The following SPTSSA variants were observed in gnomAD, a reference collection of about 807,000 sequenced individuals.
SPTSSA encodes the protein serine palmitoyltransferase small subunit A, also known as small subunit of serine palmitoyltransferase A.
Under a neutral mutation model 9.1 loss-of-function variants are expected in SPTSSA, and 8 were observed. The observed-to-expected ratio is 0.88, with a 90% CI of 0.51 to 1.58. The LOEUF (loss-of-function observed/expected upper bound fraction) is 1.58, where lower values mean the gene tolerates loss of function less well. Among genes scored for constraint, SPTSSA ranks in the 40% most tolerant of loss-of-function variants. The pLI is 0.00. For synonymous variants in SPTSSA, 42 were observed against 37.7 expected (o/e 1.11, Z -0.41); for missense variants, 100 against 93.8 (o/e 1.07, Z -0.27).
intron 1 of SPTSSA, among the ~76,000 whole-genome samples, chr14:34,435,730 A>G (rs1444934130): frequency 6.7e-6 from 1 of 149,074 alleles, no homozygotes; most frequent in African/African-American, 2.5e-5. Flanking sequence ...TCTGGGTTCA[A>G]GTGATTCTCC....
intron 1 of SPTSSA, among the ~76,000 whole-genome samples, chr14:34,435,620 TCTC>T (rs1214882025): frequency 7.5e-6 from 1 of 132,640 alleles, no homozygotes; most frequent in African/African-American, 3.2e-5. Flanking sequence ...TTTGTTTGTT[TCTC>T]TTTTTTTTTT....
At chr14:34,448,944 G>A (rs528518948) in intron 1 of SPTSSA, among the ~76,000 whole-genome samples, 1 of 150,958 alleles carries the variant, frequency 6.6e-6, no homozygotes, top group African/African-American at 2.4e-5. Flanking sequence ...AGGCTACAGT[G>A]AGCTGAGATC....
At chr14:34,445,331 T>C (rs1483640564) in intron 1 of SPTSSA, among the ~76,000 whole-genome samples, 1 of 151,964 alleles carries the variant, frequency 6.6e-6, no homozygotes, top group East Asian at 1.9e-4. Flanking sequence ...GGCCAAACCC[T>C]GTCTATGAAA....
At chr14:34,457,700 G>C (rs1878511942) in intron 1 of SPTSSA, among the ~76,000 whole-genome samples, 1 of 152,104 alleles carries the variant, frequency 6.6e-6, no homozygotes, top group African/African-American at 2.4e-5. Context: ...AGGCATCTTG[G>C]CTCATGCTTA....
intron 1 of SPTSSA, among the ~76,000 whole-genome samples, chr14:34,435,760 G>A (rs1411185546): frequency 1.3e-5 from 2 of 150,896 alleles, no homozygotes; most frequent in East Asian, 3.9e-4. Flanking sequence ...CTCCTGAGTA[G>A]CTGGGATTAC....
chr14:34,445,984 T>C (rs1451195028), intron 1 of SPTSSA, among the ~76,000 whole-genome samples: 1 of 152,242 alleles, frequency 6.6e-6, no homozygotes, highest in Non-Finnish European at 1.5e-5. Flanking sequence ...TGGTGGGCCA[T>C]TTAAATATTT....
chr14:34,452,946 A>C (rs936597961), intron 1 of SPTSSA, among the ~76,000 whole-genome samples: 1 of 152,196 alleles, frequency 6.6e-6, no homozygotes, highest in African/African-American at 2.4e-5. Flanking sequence ...TGAACTGTGC[A>C]GGTCTACTTA....
chr14:34,452,360 A>G (rs543748567), intron 1 of SPTSSA, among the ~76,000 whole-genome samples: 2 of 152,150 alleles, frequency 1.3e-5, no homozygotes, highest in East Asian at 3.9e-4. Context: ...CTGTCACAAT[A>G]TTATACTGTC....
intron 1 of SPTSSA, among the ~76,000 whole-genome samples, chr14:34,451,610 C>T (rs536208306): frequency 1.3e-5 from 2 of 151,482 alleles, no homozygotes; most frequent in Middle Eastern, 3.4e-3. Context: ...GTAGTCCCAG[C>T]TACTCCGGAG....
intron 1 of SPTSSA, 75 bp downstream of exon 1, chr14:34,462,021 C>A: frequency 9.1e-7 from 1 of 1,098,134 alleles, no homozygotes; most frequent in Non-Finnish European, 1.1e-6. Flanking sequence ...ACCCCAGGCC[C>A]GGGGCCTGGG....
intron 1 of SPTSSA, among the ~76,000 whole-genome samples, chr14:34,454,615 C>A (rs562726855): frequency 6.6e-5 from 10 of 152,152 alleles, no homozygotes; most frequent in Admixed American, 1.3e-4. Flanking sequence ...CTGGAGTTAA[C>A]AAGACAACTT....
chr14:34,442,224 G>T (rs965581218), intron 1 of SPTSSA, among the ~76,000 whole-genome samples: 2 of 152,042 alleles, frequency 1.3e-5, no homozygotes, highest in Non-Finnish European at 2.9e-5. Flanking sequence ...TTCCGCACAC[G>T]GTCCCTGATC....
intron 1 of SPTSSA, 103 bp downstream of exon 1, chr14:34,461,993 G>T: frequency 1.2e-6 from 1 of 838,396 alleles, no homozygotes; most frequent in Non-Finnish European, 1.5e-6. Flanking sequence ...GACCGGCGGG[G>T]CCGCCGCTCC....
chr14:34,459,308 A>T (rs1273570033), intron 1 of SPTSSA, among the ~76,000 whole-genome samples: 2 of 150,218 alleles, frequency 1.3e-5, no homozygotes, highest in African/African-American at 4.9e-5. Flanking sequence ...AAAATACAAA[A>T]ATTAGCTGGG....
At chr14:34,435,623 C>CTTTTTTTTTTTTTTTT (rs769896697) in intron 1 of SPTSSA, among the ~76,000 whole-genome samples, 6 of 92,444 alleles carry the variant, frequency 6.5e-5, no homozygotes, top group African/African-American at 2.8e-4. Flanking sequence ...GTTTGTTTCT[C>CTTTTTTTTTTTTTTTT]TTTTTTTTTT....
chr14:34,436,027 A>G (rs1447963263), intron 1 of SPTSSA, among the ~76,000 whole-genome samples: 2 of 152,146 alleles, frequency 1.3e-5, no homozygotes, highest in Non-Finnish European at 2.9e-5. Context: ...AAGATCTACC[A>G]ACTTAACTAA....
intron 1 of SPTSSA, among the ~76,000 whole-genome samples, chr14:34,447,055 C>T (rs1883433398): frequency 6.6e-6 from 1 of 151,758 alleles, no homozygotes; most frequent in African/African-American, 2.4e-5. Context: ...GAAACCGCGT[C>T]TCTACTAAAA....
intron 1 of SPTSSA, among the ~76,000 whole-genome samples, chr14:34,446,035 A>T (rs1021600907): frequency 2.0e-5 from 3 of 152,242 alleles, no homozygotes; most frequent in Non-Finnish European, 4.4e-5. Flanking sequence ...GTTGTATAAA[A>T]GCTTTCCCAT....
At chr14:34,456,250 A>G (rs1189320604) in intron 1 of SPTSSA, among the ~76,000 whole-genome samples, 1 of 152,124 alleles carries the variant, frequency 6.6e-6, no homozygotes, top group Non-Finnish European at 1.5e-5. Context: ...TGAACCCTGG[A>G]GGCAGAGATT....
Sources: gnomAD v4.1 joint callset for allele counts (sites outside exome capture counted in the v4.1 genomes callset) on GRCh38, gnomAD v4.1.1 for gene constraint, MANE v1.5 for transcripts, NCBI Gene and HGNC (gene_info 2026-07-23, HGNC 2026-07-21) for gene names.